SMC6: variants seen among roughly 807,000 people sequenced by gnomAD.
SMC6 encodes structural maintenance of chromosomes 6, also known as structural maintenance of chromosomes protein 6.
Under a neutral mutation model 142.2 loss-of-function variants are expected in SMC6, and 79 were observed. The ratio of observed to expected loss-of-function variants is 0.56; its 90% confidence interval spans 0.46 to 0.67. SMC6 has a LOEUF of 0.67. Among genes scored for constraint, SMC6 ranks in the 30% least tolerant of loss-of-function variants. SMC6 has a pLI of 0.00. For missense variants in SMC6, 1,072 were observed against 1,284.0 expected (o/e 0.83, Z 2.52); for synonymous variants, 411 against 412.4 (o/e 1.00, Z 0.04).
intron 23 of SMC6, among the ~76,000 whole-genome samples, 155 bp downstream of exon 23, chr2:17,694,997 T>TATG (rs574770323): frequency 0.018 from 2,676 of 152,338 alleles, 93 homozygotes; most frequent in Admixed American, 0.077. Context: ...TTACTATTTA[T>TATG]TGAGAATAAT....
rs1421623902 is a variant in SMC6, at chr2:17,687,411, GAGT to G, written c.2679-3651_2679-3649del. 2.0e-5 allele frequency among the ~76,000 whole-genome samples: 3 copies of G among 152,066 alleles called. No homozygotes were observed. The East Asian group carries it at 5.8e-4, about 29-fold the overall frequency. On this transcript the variant is annotated intron_variant, in intron 23 of 27. Transcript: ENST00000448223. ...TGTGTGTGTGCAGACTCACAAAACA[GAGT>G]ACAATGAAGCTGTAAAAAGAATGAG... is the stretch of plus-strand genomic sequence containing the variant.
chr2:17,671,554 A>G (rs908974409), intron 25 of SMC6, among the ~76,000 whole-genome samples: 1 of 140,706 alleles, frequency 7.1e-6, no homozygotes, highest in Non-Finnish European at 1.5e-5. Context: ...GGTTGCAGTG[A>G]GCCAAGATCA....
chr2:17,713,451 A>G (rs1668927009), intron 16 of SMC6: 1 of 470,460 alleles, frequency 2.1e-6, no homozygotes, highest in African/African-American at 2.0e-5. Flanking sequence ...TTTCGTGGCT[A>G]AGTGATTAGA....
chr2:17,706,332 C>T (rs1668504968), intron 18 of SMC6, among the ~76,000 whole-genome samples: 3 of 152,008 alleles, frequency 2.0e-5, no homozygotes, highest in Admixed American at 1.3e-4. Flanking sequence ...AAAGCAAGTG[C>T]CAGAACACCA....
At chr2:17,694,021 AAAAG>A (rs1285329748) in intron 23 of SMC6, among the ~76,000 whole-genome samples, 24,667 of 96,500 alleles carry the variant, frequency 0.26, 2,292 homozygotes, top group African/African-American at 0.36. Context: ...AAAAAAAAAA[AAAAG>A]AATGAAATCC....
At chr2:17,750,381 A>G (rs191615381) in intron 2 of SMC6, among the ~76,000 whole-genome samples, 2 of 152,222 alleles carry the variant, frequency 1.3e-5, no homozygotes, top group Non-Finnish European at 2.9e-5. Context: ...TTAGCTTTTG[A>G]GATGAACACT....
intron 7 of SMC6, 96 bp downstream of exon 7, chr2:17,730,982 A>T: frequency 1.1e-6 from 1 of 879,948 alleles, no homozygotes; most frequent in Non-Finnish European, 1.9e-6. Flanking sequence ...CAGTTTACTC[A>T]TATGAGGCCA....
chr2:17,674,143 C>T (rs1666899073), intron 25 of SMC6, among the ~76,000 whole-genome samples: 1 of 152,088 alleles, frequency 6.6e-6, no homozygotes, highest in Non-Finnish European at 1.5e-5. Flanking sequence ...TGAGATAGAA[C>T]TTAGATCATT....
intron 18 of SMC6, among the ~76,000 whole-genome samples, chr2:17,704,323 C>T (rs919691353): frequency 6.6e-6 from 1 of 152,106 alleles, no homozygotes; most frequent in Non-Finnish European, 1.5e-5. Context: ...TAGCTTAATA[C>T]TTCTGTTGGT....
intron 16 of SMC6, among the ~76,000 whole-genome samples, chr2:17,710,400 ATT>A (rs1020050411): frequency 1.3e-5 from 2 of 152,290 alleles, no homozygotes; most frequent in Admixed American, 1.3e-4. Flanking sequence ...AAAAATATAT[ATT>A]AAGTATATTA....
chr2:17,726,550 G>A, intron 7 of SMC6, 81 bp from the exon 8 acceptor site: 1 of 1,109,224 alleles, frequency 9.0e-7, no homozygotes, highest in Non-Finnish European at 1.3e-6. Context: ...TACATTACAA[G>A]TGACCTATGG....
At chr2:17,733,020 C>T (rs1199204504) in intron 5 of SMC6, among the ~76,000 whole-genome samples, 3 of 152,140 alleles carry the variant, frequency 2.0e-5, no homozygotes, top group Admixed American at 1.3e-4. Context: ...TTTTCTTACA[C>T]ATAAAAGCAG....
At chr2:17,741,083 A>C (rs1670448333) in intron 4 of SMC6, among the ~76,000 whole-genome samples, 1 of 152,070 alleles carries the variant, frequency 6.6e-6, no homozygotes, top group Non-Finnish European at 1.5e-5. Flanking sequence ...ATACACATCT[A>C]CCTCTACTCC....
chr2:17,674,358 A>C (rs960938820), intron 25 of SMC6, among the ~76,000 whole-genome samples: 14 of 152,174 alleles, frequency 9.2e-5, no homozygotes, highest in African/African-American at 2.7e-4. Flanking sequence ...ACATTCATTA[A>C]GTTTTAAGGT....
chr2:17,724,068 C>A (rs1669501587), intron 9 of SMC6, among the ~76,000 whole-genome samples: 1 of 151,964 alleles, frequency 6.6e-6, no homozygotes. Context: ...TGTTTAATCC[C>A]AAGTGTCTGA....
At chr2:17,693,890 C>T (rs1667854963) in intron 23 of SMC6, among the ~76,000 whole-genome samples, 1 of 149,988 alleles carries the variant, frequency 6.7e-6, no homozygotes, top group East Asian at 2.0e-4. Context: ...ATCCCAGCTA[C>T]TCAGGAGGCT....
At position 17,741,596 on chromosome 2, in the gene SMC6, G is replaced by A. The variant is rs1273241588; in HGVS notation, c.238+16C>T. ...AGTACTGCTCAAAGTCAAACGAGAA[G>A]GGAAAAAACACTTACTTCCATTGTT... On this transcript the variant is annotated intron_variant, in intron 4 of 27. Transcript: ENST00000448223. 2 of 1,536,150 alleles carry A rather than the reference G, an allele frequency of 1.3e-6. No homozygotes were observed. Among genetic ancestry groups the A allele is most frequent in the South Asian group, 1.2e-5 (1 of 85,636 alleles).
chr2:17,752,993 T>A lies in SMC6; in HGVS notation c.-21A>T. Reference sequence around the variant, plus strand: ...ACAGTATTACCTCAAACCCTATTGGTTCTACAACCTTTCTCTACCCTAGAG... The same window carrying A: ...ACAGTATTACCTCAAACCCTATTGGATCTACAACCTTTCTCTACCCTAGAG... On this transcript the variant is annotated 5_prime_UTR_variant, in exon 2 of 28. Transcript: ENST00000448223. 1 of 984,072 alleles carries A rather than the reference T, an allele frequency of 1.0e-6. No individual in the cohort carries two copies. Among genetic ancestry groups the A allele is most frequent in the Non-Finnish European group, 1.2e-6 (1 of 828,676 alleles). The allele number at this position is 984,072 out of a possible 1,614,324, so 61.0% of individuals were successfully genotyped here.
At chr2:17,666,273 C>T (rs1666491898) in intron 27 of SMC6, 147 bp downstream of exon 27, 2 of 566,108 alleles carry the variant, frequency 3.5e-6, no homozygotes, top group Middle Eastern at 4.8e-4. Flanking sequence ...AAGAGAAAAA[C>T]ATCCCAAATC....
Sources: gnomAD v4.1 joint callset for allele counts (sites outside exome capture counted in the v4.1 genomes callset) on GRCh38, gnomAD v4.1.1 for gene constraint, MANE v1.5 for transcripts, NCBI Gene and HGNC (gene_info 2026-07-23, HGNC 2026-07-21) for gene names.